CCDC171: variants seen among roughly 807,000 people sequenced by gnomAD.
CCDC171 encodes coiled-coil domain containing 171.
In CCDC171, 177 loss-of-function variants were observed where a neutral mutation model predicts 168.2. That is an observed-to-expected ratio of 1.05 (90% CI 0.93 to 1.19). The LOEUF (loss-of-function observed/expected upper bound fraction) is 1.19, where lower values mean the gene tolerates loss of function less well. CCDC171 is among the 50% of genes most tolerant of loss of function. CCDC171 has a pLI of 0.00. For synonymous variants in CCDC171, 687 were observed against 540.8 expected, an observed-to-expected ratio of 1.27 and a Z score of -3.75; for missense variants, 1,991 against 1,539.0, an observed-to-expected ratio of 1.29 and a Z score of -4.91.
At chr9:15,914,094 T>C (rs1824124001) in intron 24 of CCDC171, among the ~76,000 whole-genome samples, 1 of 152,096 alleles carries the variant, frequency 6.6e-6, no homozygotes. Flanking sequence ...CTGCTGGGAG[T>C]TGTCTCCCTG....
intron 25 of CCDC171, among the ~76,000 whole-genome samples, chr9:15,945,662 G>T (rs4564000): frequency 0.31 from 44,398 of 143,816 alleles, 8,761 homozygotes; most frequent in East Asian, 0.62. Flanking sequence ...GTGTTTTTTG[G>T]CTGCATAAAT....
intron 6 of CCDC171, among the ~76,000 whole-genome samples, chr9:15,611,194 C>G (rs2043660836): frequency 6.6e-6 from 1 of 152,156 alleles, no homozygotes; most frequent in Non-Finnish European, 1.5e-5. Context: ...TGTAAATTTC[C>G]TGAGGCCTCC....
intron 18 of CCDC171, among the ~76,000 whole-genome samples, chr9:15,752,909 G>T (rs193227856): frequency 6.6e-6 from 1 of 152,106 alleles, no homozygotes; most frequent in East Asian, 1.9e-4. Context: ...AGAAAAAGGT[G>T]ATTTATGTTA....
At position 15,971,728 on chromosome 9, in the gene CCDC171, CT is replaced by C; in HGVS notation, c.3875del (p.Leu1292Ter). On this transcript the variant is annotated frameshift_variant, in exon 26 of 26. Coordinates refer to ENST00000380701, the MANE Select transcript of CCDC171 (RefSeq NM_173550.4). LOFTEE classifies it high-confidence loss of function. ...KAELDTTYTFLKETFINTVPH... is the reference protein window; with the variant it reads ...KAELDTTYTFXKETFINTVPH... ...CTGAACTTGATACTACTTACACTTT[CT>C]TAAAGGAGACATTTATAAATACTGT... is the stretch of plus-strand genomic sequence containing the variant. 6.2e-7 allele frequency: 1 copy of C among 1,613,912 alleles called. No homozygotes were observed. Among genetic ancestry groups the C allele is most frequent in the Non-Finnish European group, 8.5e-7 (1 of 1,179,862 alleles).
chr9:15,834,577 A>G (rs1373136479), intron 21 of CCDC171, among the ~76,000 whole-genome samples: 1 of 152,222 alleles, frequency 6.6e-6, no homozygotes, highest in Non-Finnish European at 1.5e-5. Flanking sequence ...AGGCTACCCA[A>G]TGGATATGAC....
At chr9:15,623,240 T>G in intron 6 of CCDC171, 27 bp from the exon 7 acceptor site, 1 of 1,533,418 alleles carries the variant, frequency 6.5e-7, no homozygotes, top group Non-Finnish European at 8.8e-7. Flanking sequence ...ATAAACTTTA[T>G]TGATGCAAAA....
At chr9:15,944,011 A>G (rs1002791466) in intron 25 of CCDC171, among the ~76,000 whole-genome samples, 1 of 152,050 alleles carries the variant, frequency 6.6e-6, no homozygotes, top group East Asian at 1.9e-4. Context: ...ACTAGCCTGT[A>G]AGAGAGTAAG....
chr9:15,596,242 T>C (rs1193177059), intron 6 of CCDC171, among the ~76,000 whole-genome samples: 1 of 152,114 alleles, frequency 6.6e-6, no homozygotes, highest in Non-Finnish European at 1.5e-5. Flanking sequence ...TGAATGGTAT[T>C]GCCTAGGTTT....
chr9:15,762,716 T>C (rs7036774), intron 18 of CCDC171, among the ~76,000 whole-genome samples: 1,884 of 152,272 alleles, frequency 0.012, 29 homozygotes, highest in African/African-American at 0.044. Flanking sequence ...TTTGACTAGT[T>C]GTGAAAAATG....
At chr9:15,730,017 T>A (rs1257191995) in intron 16 of CCDC171, among the ~76,000 whole-genome samples, 1 of 152,048 alleles carries the variant, frequency 6.6e-6, no homozygotes, top group Non-Finnish European at 1.5e-5. Context: ...TGGAAATATA[T>A]GGGTTTCTGA....
intron 18 of CCDC171, among the ~76,000 whole-genome samples, chr9:15,772,980 T>C (rs773729914): frequency 7.9e-5 from 12 of 152,012 alleles, no homozygotes; most frequent in Non-Finnish European, 1.2e-4. Context: ...TTATTAATAT[T>C]ATTAACCTTA....
chr9:15,958,773 A>C (rs144302561), intron 25 of CCDC171, among the ~76,000 whole-genome samples: 120 of 152,178 alleles, frequency 7.9e-4, no homozygotes, highest in Non-Finnish European at 1.2e-3. Flanking sequence ...ATGAGAAATT[A>C]CGTTAATGCA....
the CCDC171 span, among the ~76,000 whole-genome samples, chr9:16,090,961 AC>A: frequency 1.3e-5 from 2 of 151,974 alleles, no homozygotes; most frequent in African/African-American, 4.8e-5. Context: ...TCTTTTTTCC[AC>A]CCTCTTTCTT....
intron 18 of CCDC171, among the ~76,000 whole-genome samples, chr9:15,757,769 G>A (rs868840980): frequency 3.9e-5 from 6 of 152,158 alleles, no homozygotes; most frequent in Admixed American, 6.5e-5. Flanking sequence ...GATGCCCTGC[G>A]TCCCAGCTGC....
At chr9:15,727,620 G>A (rs1415484100) in intron 14 of CCDC171, among the ~76,000 whole-genome samples, 1 of 152,108 alleles carries the variant, frequency 6.6e-6, no homozygotes, top group African/African-American at 2.4e-5. Context: ...AGCAGAGGTG[G>A]AGATGAATCT....
chr9:15,883,482 C>T (rs1328216568), intron 24 of CCDC171, among the ~76,000 whole-genome samples: 1 of 152,116 alleles, frequency 6.6e-6, no homozygotes, highest in African/African-American at 2.4e-5. Context: ...AGAAGGAGTT[C>T]TATAAAGTTT....
At chr9:15,851,722 G>A (rs2061136526) in intron 23 of CCDC171, among the ~76,000 whole-genome samples, 1 of 151,788 alleles carries the variant, frequency 6.6e-6, no homozygotes, top group African/African-American at 2.4e-5. Context: ...TACCCAAGAA[G>A]CAATTATTTC....
At chr9:15,695,086 G>C (rs888087175) in intron 10 of CCDC171, 149 bp from the exon 11 acceptor site, 7 of 604,466 alleles carry the variant, frequency 1.2e-5, no homozygotes, top group African/African-American at 1.1e-4. Context: ...CCAAGTAAAA[G>C]GTATGATTAA....
chr9:15,870,063 G>T (rs2061969416), intron 23 of CCDC171, among the ~76,000 whole-genome samples: 1 of 151,764 alleles, frequency 6.6e-6, no homozygotes, highest in Non-Finnish European at 1.5e-5. Flanking sequence ...ATTGTAACAG[G>T]AAAGCAGCCA....
Sources: allele counts gnomAD v4.1 joint callset (sites outside exome capture counted in the v4.1 genomes callset), GRCh38; gene constraint gnomAD v4.1.1; transcripts MANE v1.5; gene names NCBI Gene and HGNC (gene_info 2026-07-23, HGNC 2026-07-21).